The following FHIT variants were observed in gnomAD, a reference collection of about 807,000 sequenced individuals.
FHIT encodes bis(5'-adenosyl)-triphosphatase.
In FHIT, 19 loss-of-function variants were observed where a neutral mutation model predicts 17.9. The ratio of observed to expected loss-of-function variants is 1.06; its 90% CI spans 0.74 to 1.56. FHIT has a LOEUF of 1.56. Ranked by LOEUF, FHIT falls within the 40% of genes most tolerant of loss-of-function variation. The probability of loss-of-function intolerance (pLI) is 0.00; values close to 1 mark genes in which losing one functional copy is unlikely to be tolerated. For missense variants in FHIT, 248 were observed against 189.2 expected, an observed-to-expected ratio of 1.31 and a Z score of -1.82; for synonymous variants, 81 against 69.7, an observed-to-expected ratio of 1.16 and a Z score of -0.81.
intron 3 of FHIT, among the ~76,000 whole-genome samples, chr3:60,919,297 T>C (rs1051863079): frequency 3.3e-5 from 5 of 152,302 alleles, no homozygotes; most frequent in Non-Finnish European, 5.9e-5. Context: ...CAATCTTCAA[T>C]TCCATTATAC....
intron 5 of FHIT, among the ~76,000 whole-genome samples, chr3:60,019,093 G>T (rs1195791712): frequency 6.6e-6 from 1 of 152,178 alleles, no homozygotes; most frequent in African/African-American, 2.4e-5. Flanking sequence ...GCTTTCAGAT[G>T]GAAGGTAGGC....
chr3:60,502,574 A>T (rs1017025585), intron 5 of FHIT, among the ~76,000 whole-genome samples: 17 of 152,236 alleles, frequency 1.1e-4, no homozygotes, highest in African/African-American at 4.1e-4. Context: ...AGTGCTTAGC[A>T]CAATAATGTC....
At chr3:60,067,030 C>A (rs1157547309) in intron 5 of FHIT, among the ~76,000 whole-genome samples, 1 of 151,918 alleles carries the variant, frequency 6.6e-6, no homozygotes, top group Non-Finnish European at 1.5e-5. Context: ...GTAGGCAAAT[C>A]AAAAATTCTC....
intron 4 of FHIT, among the ~76,000 whole-genome samples, chr3:60,569,138 C>G (rs1205281905): frequency 6.6e-6 from 1 of 151,988 alleles, no homozygotes; most frequent in African/African-American, 2.4e-5. Flanking sequence ...GTTTTATACC[C>G]AAATTCAGTA....
intron 5 of FHIT, among the ~76,000 whole-genome samples, chr3:60,026,263 AAAT>A (rs1215074016): frequency 6.6e-6 from 1 of 152,014 alleles, no homozygotes; most frequent in African/African-American, 2.4e-5. Context: ...TGTTTTTTCA[AAAT>A]AATAGCATAT....
intron 7 of FHIT, among the ~76,000 whole-genome samples, chr3:59,999,453 G>A (rs212018): frequency 0.11 from 16,745 of 152,180 alleles, 1,123 homozygotes; most frequent in African/African-American, 0.19. Context: ...AGCATGTGAT[G>A]AGTATTGCAG....
intron 8 of FHIT, among the ~76,000 whole-genome samples, chr3:59,857,403 G>A (rs1024372937): frequency 4.0e-5 from 6 of 151,824 alleles, no homozygotes; most frequent in Admixed American, 2.0e-4. Flanking sequence ...CTGCCTACCT[G>A]CAACTCTCTA....
At chr3:60,011,032 G>A (rs1700116079) in intron 7 of FHIT, among the ~76,000 whole-genome samples, 1 of 152,126 alleles carries the variant, frequency 6.6e-6, no homozygotes, top group Admixed American at 6.6e-5. Context: ...CTTAACATGG[G>A]GCTGCACAAA....
At chr3:59,852,645 T>A (rs191254364) in intron 8 of FHIT, among the ~76,000 whole-genome samples, 6 of 152,188 alleles carry the variant, frequency 3.9e-5, no homozygotes, top group Non-Finnish European at 8.8e-5. Flanking sequence ...AGTAGTTTCA[T>A]TGTCCTAAAA....
intron 7 of FHIT, among the ~76,000 whole-genome samples, chr3:59,974,743 C>A (rs1559511949): frequency 6.6e-6 from 1 of 152,000 alleles, no homozygotes; most frequent in Non-Finnish European, 1.5e-5. Flanking sequence ...GCTGAAAGTG[C>A]CTTTAGGTGT....
intron 1 of FHIT, among the ~76,000 whole-genome samples, chr3:61,224,738 C>A (rs1415690795): frequency 1.3e-5 from 2 of 152,088 alleles, no homozygotes; most frequent in African/African-American, 4.8e-5. Flanking sequence ...GGCCATGATA[C>A]CAGAACATTA....
intron 5 of FHIT, among the ~76,000 whole-genome samples, chr3:60,049,580 T>C (rs372509503): frequency 3.9e-5 from 6 of 152,142 alleles, no homozygotes; most frequent in Non-Finnish European, 8.8e-5. Flanking sequence ...TAGTACAAAA[T>C]AGGAATGTAA....
At chr3:60,897,362 T>C (rs960107340) in intron 3 of FHIT, among the ~76,000 whole-genome samples, 17 of 152,210 alleles carry the variant, frequency 1.1e-4, no homozygotes, top group African/African-American at 3.1e-4. Context: ...GTGTAGTAAC[T>C]TTCTATATAT....
intron 3 of FHIT, among the ~76,000 whole-genome samples, chr3:60,905,548 T>C (rs1706362549): frequency 6.6e-6 from 1 of 152,214 alleles, no homozygotes; most frequent in Non-Finnish European, 1.5e-5. Context: ...GTAGTGTTAT[T>C]TCCAGTAAAA....
intron 5 of FHIT, among the ~76,000 whole-genome samples, chr3:60,193,883 T>C (rs1328920384): frequency 1.3e-5 from 2 of 152,110 alleles, no homozygotes; most frequent in Non-Finnish European, 2.9e-5. Context: ...AAAAGAGGTG[T>C]TTGATATGGG....
chr3:59,789,252 T>A (rs1205338636), intron 8 of FHIT, among the ~76,000 whole-genome samples: 1 of 152,210 alleles, frequency 6.6e-6, no homozygotes, highest in Non-Finnish European at 1.5e-5. Flanking sequence ...AAATATTGAC[T>A]ATCTATGAAG....
At chr3:60,017,102 T>G (rs2106713417) in intron 5 of FHIT, among the ~76,000 whole-genome samples, 1 of 152,312 alleles carries the variant, frequency 6.6e-6, no homozygotes, top group African/African-American at 2.4e-5. Context: ...TTGTTAGAGC[T>G]TTCATGACTC....
intron 2 of FHIT, among the ~76,000 whole-genome samples, chr3:61,191,632 GTGAGAT>G (rs2038719299): frequency 6.6e-6 from 1 of 152,122 alleles, no homozygotes; most frequent in South Asian, 2.1e-4. Context: ...TCAAGGGAAG[GTGAGAT>G]TATCCCAGAA....
chr3:60,812,230 T>C (rs564814562), intron 4 of FHIT, among the ~76,000 whole-genome samples: 2 of 151,808 alleles, frequency 1.3e-5, no homozygotes, highest in Non-Finnish European at 2.9e-5. Context: ...TGGAGTCATC[T>C]TGGCTCACTG....
Sources: allele counts gnomAD v4.1 joint callset (sites outside exome capture counted in the v4.1 genomes callset), GRCh38; gene constraint gnomAD v4.1.1; transcripts MANE v1.5; gene names NCBI Gene and HGNC (gene_info 2026-07-23, HGNC 2026-07-21).